RHOC: variants seen among roughly 807,000 people sequenced by gnomAD.
RHOC encodes the protein ras homolog family member C.
In RHOC, 13 loss-of-function variants were observed where a neutral mutation model predicts 19.5. The ratio of observed to expected loss-of-function variants is 0.67; its 90% CI spans 0.43 to 1.06. RHOC has a LOEUF of 1.06. Ranked by LOEUF, RHOC falls within the 50% of genes least tolerant of loss-of-function variation. The probability of loss-of-function intolerance (pLI) is 0.00; values close to 1 mark genes in which losing one functional copy is unlikely to be tolerated. For missense variants in RHOC, 173 were observed against 256.9 expected, an observed-to-expected ratio of 0.67 and a Z score of 2.23; for synonymous variants, 106 against 97.3, an observed-to-expected ratio of 1.09 and a Z score of -0.52.
At chr1:112,701,772 C>T in intron 5 of RHOC, 59 bp from the exon 6 acceptor site, 1 of 1,568,840 alleles carries the variant, frequency 6.4e-7, no homozygotes, top group Non-Finnish European at 8.8e-7. Flanking sequence ...ACCTCTCCTG[C>T]CTCACCCATA....
intron 3 of RHOC, 191 bp from the exon 4 acceptor site, chr1:112,703,310 T>C: frequency 1.3e-6 from 1 of 748,716 alleles, no homozygotes; most frequent in South Asian, 1.6e-5. Context: ...AAGACGTGTT[T>C]GACCCTTGAG....
intron 1 of RHOC, chr1:112,705,373 C>A: frequency 1.6e-6 from 1 of 612,462 alleles, no homozygotes; most frequent in South Asian, 1.9e-5. Context: ...CCCCACACCC[C>A]ACCACCACCT....
At chr1:112,704,807 C>T (rs900170959) in intron 2 of RHOC, 3 of 404,486 alleles carry the variant, frequency 7.4e-6, no homozygotes, top group African/African-American at 4.0e-5. Flanking sequence ...GGTCACTCAG[C>T]CCCCGGCAGG....
intron 1 of RHOC, 59 bp from the exon 2 acceptor site, chr1:112,705,227 C>A: frequency 1.4e-6 from 1 of 698,290 alleles, no homozygotes. Context: ...AAAGAAGAGA[C>A]AAATGAGGGC....
rs761361568 is a variant in RHOC, at chr1:112,701,365, C to G, written c.*175G>C. 1.3e-6 allele frequency: 2 copies of G among 1,512,628 alleles called. No homozygotes were observed. The highest frequency in any genetic ancestry group is 4.9e-5 in the East Asian group (2 of 40,668). 93.7% of individuals were successfully genotyped at this position (1,512,628 alleles called of 1,614,324 possible). A position where few individuals can be genotyped will look rare whatever the true frequency, so the allele number is the denominator to read the frequency against. On this transcript the variant is annotated 3_prime_UTR_variant, in exon 6 of 6. Transcript: ENST00000339083. ...GGGCATAGGCGTGGCTCCCAGAGCG[C>G]TGGGAGGGAGGGCCCGTGCCACCAC...
chr1:112,701,976 C>A (rs191802033), intron 5 of RHOC, among the ~76,000 whole-genome samples: 57 of 152,288 alleles, frequency 3.7e-4, no homozygotes, highest in Admixed American at 1.1e-3. Flanking sequence ...CTCCCACCTC[C>A]TGACTGCTCT....
At chr1:112,701,750 T>C (rs1351216714) in intron 5 of RHOC, 37 bp from the exon 6 acceptor site, 24 of 1,608,322 alleles carry the variant, frequency 1.5e-5, no homozygotes, top group South Asian at 4.4e-5. Flanking sequence ...AAGGAAGCTG[T>C]TGACTACATG....
intron 2 of RHOC, chr1:112,704,250 T>C (rs1674766012): frequency 6.0e-6 from 1 of 165,324 alleles, no homozygotes; most frequent in African/African-American, 2.4e-5. Context: ...AGGTCCAATC[T>C]AGAACAGACT....
At chr1:112,706,482 A>ACCCCCACCC (rs776494527) in intron 1 of RHOC, among the ~76,000 whole-genome samples, 1 of 19,040 alleles carries the variant, frequency 5.3e-5, no homozygotes. Context: ...ACACACACAC[A>ACCCCCACCC]CACACACACA....
At chr1:112,706,460 CACACCACACACACACACACACACACA>C (rs1674865919) in intron 1 of RHOC, among the ~76,000 whole-genome samples, 2 of 21,602 alleles carry the variant, frequency 9.3e-5, no homozygotes, top group African/African-American at 3.9e-4. Context: ...CACACACACA[CACACCACACACACACACACACACACA>C]CACACACACA....
intron 5 of RHOC, 91 bp downstream of exon 5, chr1:112,702,472 C>T: frequency 7.3e-7 from 1 of 1,378,364 alleles, no homozygotes; most frequent in Non-Finnish European, 1.0e-6. Flanking sequence ...TAACACACGG[C>T]AGTAGCTGGA....
chr1:112,702,512 C>T (rs12732634), intron 5 of RHOC, 51 bp downstream of exon 5: 3 of 1,604,534 alleles, frequency 1.9e-6, no homozygotes, highest in Non-Finnish European at 2.6e-6. Flanking sequence ...TCTGCAACCC[C>T]TCAGAGGGTG....
intron 1 of RHOC, among the ~76,000 whole-genome samples, chr1:112,706,483 CA>C (rs1208789601): frequency 7.1e-4 from 6 of 8,482 alleles, no homozygotes; most frequent in African/African-American, 1.7e-3. Context: ...CACACACACA[CA>C]CACACACACA....
In RHOC at chr1:112,705,176, G is replaced by A. The variant is rs1490947116; in HGVS notation, c.-76-8C>T. ...GCTGAGATGAAGTCAAGGCTGTTGG[G>A]AAGGGGGAGGGGGCTAGAGTCTGGG... On this transcript the variant is annotated splice_region_variant and splice_polypyrimidine_tract_variant and intron_variant, in intron 1 of 5. Coordinates refer to ENST00000339083, the MANE Select transcript of RHOC (RefSeq NM_175744.5). The A allele has an allele frequency of 1.4e-6, 1 of 702,458 alleles. No homozygotes were observed. Among genetic ancestry groups the A allele is most frequent in the Admixed American group, 2.0e-5 (1 of 50,000 alleles). 43.5% of individuals were successfully genotyped at this position (702,458 alleles called of 1,614,324 possible). A position where few individuals can be genotyped will look rare whatever the true frequency, so the allele number is the denominator to read the frequency against.
intron 1 of RHOC, chr1:112,705,551 A>G: frequency 2.1e-6 from 1 of 480,864 alleles, no homozygotes; most frequent in Non-Finnish European, 4.1e-6. Flanking sequence ...CACTCTTCCC[A>G]CCACAAAACG....
Position 112,701,726 on chromosome 1 carries a change from A to G in RHOC, c.409-13T>C, listed in dbSNP as rs779799084. The G allele has an allele frequency of 1.9e-6, 3 of 1,613,508 alleles. No individual in the cohort carries two copies. The highest frequency in any genetic ancestry group is 2.5e-6 in the Non-Finnish European group (3 of 1,179,788). ...ACCGAACGGGCTCCTGAGAAGACAT[A>G]AGATGAGGGGTCAAAGGAAGCTGTT... On this transcript the variant is annotated splice_polypyrimidine_tract_variant and intron_variant, in intron 5 of 5. Transcript: ENST00000339083.
chr1:112,701,457 GC>G lies in RHOC; in HGVS notation c.*82del, dbSNP rs758874251. 1 of 1,613,430 alleles carries G rather than the reference GC, an allele frequency of 6.2e-7. No individual in the cohort carries two copies. The highest frequency in any genetic ancestry group is 1.1e-5 in the South Asian group (1 of 91,044). Reference sequence around the variant, plus strand: ...TGAAAATGGGAGCCTTCAGCATGGAGCCCTCAGGAGGCTGGGGTTGTAGGGG... The same window carrying G: ...TGAAAATGGGAGCCTTCAGCATGGAGCCTCAGGAGGCTGGGGTTGTAGGGG... On this transcript the variant is annotated 3_prime_UTR_variant, in exon 6 of 6. Transcript: ENST00000339083.
intron 4 of RHOC, 73 bp downstream of exon 4, chr1:112,702,926 G>A (rs1222260757): frequency 1.4e-6 from 2 of 1,399,414 alleles, no homozygotes; most frequent in Non-Finnish European, 2.0e-6. Context: ...GAAGATGACT[G>A]AAGACAGGCC....
At chr1:112,706,704 C>T (rs1181554674) in intron 1 of RHOC, 2 of 152,156 alleles carry the variant, frequency 1.3e-5, no homozygotes, top group Admixed American at 1.3e-4. Flanking sequence ...CCACCCCATC[C>T]CACTCTAGGT....
Sources: allele counts gnomAD v4.1 joint callset (sites outside exome capture counted in the v4.1 genomes callset), GRCh38; gene constraint gnomAD v4.1.1; transcripts MANE v1.5; gene names NCBI Gene and HGNC (gene_info 2026-07-23, HGNC 2026-07-21).